The following SLC12A6 variants were observed in gnomAD, a reference collection of about 807,000 sequenced individuals.
The protein encoded by SLC12A6 is K-Cl cotransporter 3.
SLC12A6 carries 66 observed loss-of-function variants against 135.3 expected under a neutral mutation model. The ratio of observed to expected loss-of-function variants is 0.49; its 90% confidence interval spans 0.40 to 0.60. The LOEUF (loss-of-function observed/expected upper bound fraction) is 0.60, where lower values mean the gene tolerates loss of function less well. Among genes scored for constraint, SLC12A6 ranks in the 20% least tolerant of loss-of-function variants. SLC12A6 has a pLI of 0.00. For missense variants in SLC12A6, 1,058 were observed against 1,452.3 expected (o/e 0.73, Z 4.41); for synonymous variants, 513 against 508.8 (o/e 1.01, Z -0.11).
At position 34,232,066 on chromosome 15, in the gene SLC12A6, GAA is replaced by G. The variant is rs1206855919; in HGVS notation, c.*1813_*1814del. Reference sequence around the variant, plus strand: ...CAAAAACAGCCATGAATACAGGCAAGAAAAGTTTCTCTAAATAACTATTCTGT... The same window carrying G: ...CAAAAACAGCCATGAATACAGGCAAGAAGTTTCTCTAAATAACTATTCTGT... On this transcript the variant is annotated 3_prime_UTR_variant, in exon 26 of 26. Coordinates refer to ENST00000354181, the MANE Select transcript of SLC12A6 (RefSeq NM_001365088.1). 4.6e-5 allele frequency: 7 copies of G among 152,148 alleles called. No individual in the cohort carries two copies. Among genetic ancestry groups the G allele is most frequent in the East Asian group, 1.9e-4 (1 of 5,200 alleles). 9.4% of individuals were successfully genotyped at this position (152,148 alleles called of 1,614,324 possible).
chr15:34,314,040 G>A (rs1888453426), intron 2 of SLC12A6, among the ~76,000 whole-genome samples: 1 of 144,316 alleles, frequency 6.9e-6, no homozygotes, highest in South Asian at 2.2e-4. Flanking sequence ...TTTACAGCAT[G>A]GTTTATTGAT....
At chr15:34,274,770 A>G (rs1043546217) in intron 3 of SLC12A6, among the ~76,000 whole-genome samples, 3 of 151,974 alleles carry the variant, frequency 2.0e-5, no homozygotes, top group African/African-American at 4.8e-5. Flanking sequence ...TGGAGATCGC[A>G]CCACTGCACT....
intron 2 of SLC12A6, among the ~76,000 whole-genome samples, chr15:34,277,319 CCAG>C (rs1254359144): frequency 1.3e-5 from 2 of 151,966 alleles, no homozygotes; most frequent in Non-Finnish European, 2.9e-5. Context: ...ACCTGTAGTC[CCAG>C]CTACTCAGGA....
chr15:34,285,708 GTGTGTT>G (rs1291943352), intron 2 of SLC12A6, among the ~76,000 whole-genome samples: 28 of 488 alleles, frequency 0.057, no homozygotes, highest in Admixed American at 0.15. Context: ...GTGTGTGTGT[GTGTGTT>G]TGTCATACAT....
At chr15:34,290,557 C>A (rs1013181741) in intron 2 of SLC12A6, among the ~76,000 whole-genome samples, 2 of 152,166 alleles carry the variant, frequency 1.3e-5, no homozygotes, top group East Asian at 3.8e-4. Context: ...TCTCGTCGAT[C>A]TAATATTGAC....
intron 2 of SLC12A6, among the ~76,000 whole-genome samples, chr15:34,302,627 G>A (rs767192371): frequency 5.4e-4 from 82 of 151,846 alleles, no homozygotes; most frequent in African/African-American, 1.9e-3. Flanking sequence ...CCCAGGAGGC[G>A]GAGGTTGCAG....
At chr15:34,334,771 G>C (rs146497858) in intron 2 of SLC12A6, among the ~76,000 whole-genome samples, 33 of 152,194 alleles carry the variant, frequency 2.2e-4, no homozygotes, top group African/African-American at 7.7e-4. Context: ...ATTTCACTTA[G>C]ATATGTCCCC....
At position 34,288,118 on chromosome 15, in the gene SLC12A6, GT is replaced by G. The variant is rs373621716; in HGVS notation, c.272-12730del. Among the ~76,000 whole-genome samples the G allele has an allele frequency of 6.6e-5, 10 of 152,252 alleles. No homozygotes were observed. In the South Asian group the frequency reaches 1.7e-3, roughly 25 times the overall value. The stretch of plus-strand genomic sequence containing the variant: ...GGATTTTTATGGTCCTAGGTCTTAT[GT>G]TTAAGTCTTTGATCCATCTTGAGTT... On this transcript the variant is annotated intron_variant, in intron 2 of 25. Transcript: ENST00000354181.
chr15:34,315,414 T>TAC (rs1888570828), intron 2 of SLC12A6, among the ~76,000 whole-genome samples: 1 of 152,136 alleles, frequency 6.6e-6, no homozygotes, highest in African/African-American at 2.4e-5. Context: ...ATCATTAGCA[T>TAC]TTTTTGGTAA....
At chr15:34,278,054 A>T (rs140355638) in intron 2 of SLC12A6, among the ~76,000 whole-genome samples, 153 of 152,348 alleles carry the variant, frequency 1.0e-3, no homozygotes, top group African/African-American at 3.5e-3. Flanking sequence ...TATGAAGAGA[A>T]ATAGGAAAAC....
Position 34,258,845 on chromosome 15 carries a change from T to C in SLC12A6, c.511A>G (p.Asn171Asp). ...GGCTTCTTTTTCCCTTCAGTGATGT[T>C]TTCTGCCTCTTCATGTTCCTTTGCT... is the stretch of plus-strand genomic sequence containing the variant. Reference protein sequence around the residue: ...QGAKEHEEAENITEGKKKPTK... With the variant: ...QGAKEHEEAEDITEGKKKPTK... The change falls in exon 5 of 26, where the codon AAC becomes GAC. Residue 171 changes from asparagine to aspartate, a missense_variant. This residue lies in a region of SLC12A6 where 139 missense variants were observed against 202.2 expected (regional missense o/e 0.69). Coordinates refer to ENST00000354181, the MANE Select transcript of SLC12A6 (RefSeq NM_001365088.1). 1 of 1,613,818 alleles carries C rather than the reference T, an allele frequency of 6.2e-7. No individual in the cohort carries two copies. The highest frequency in any genetic ancestry group is 8.5e-7 in the Non-Finnish European group (1 of 1,179,700).
In SLC12A6 at chr15:34,257,808, T is replaced by TA. The variant is rs56033911; in HGVS notation, c.544-21dup. Reference sequence around the variant, plus strand: ...GGGGGTCTAGAAAGAAAGACATTGATAAAAAATCACACAGTTATCCTAAAG... The same window carrying TA: ...GGGGGTCTAGAAAGAAAGACATTGATAAAAAAATCACACAGTTATCCTAAAG... On this transcript the variant is annotated intron_variant, in intron 5 of 25. Transcript: ENST00000354181. The TA allele has an allele frequency of 0.06, 93,964 of 1,562,042 alleles. 3,402 individuals carry two copies. Among genetic ancestry groups the TA allele is most frequent in the Middle Eastern group, 0.14 (816 of 5,980 alleles).
At chr15:34,299,266 C>G (rs185112357) in intron 2 of SLC12A6, among the ~76,000 whole-genome samples, 2 of 152,134 alleles carry the variant, frequency 1.3e-5, no homozygotes, top group African/African-American at 4.8e-5. Context: ...AGGGTGAACT[C>G]GAAAAACTTC....
intron 3 of SLC12A6, among the ~76,000 whole-genome samples, chr15:34,261,975 T>C (rs1893164619): frequency 6.6e-6 from 1 of 152,170 alleles, no homozygotes; most frequent in Non-Finnish European, 1.5e-5. Context: ...GAACTACCAT[T>C]CCACCCGGCA....
At chr15:34,313,086 T>C (rs1186293336) in intron 2 of SLC12A6, among the ~76,000 whole-genome samples, 4 of 152,206 alleles carry the variant, frequency 2.6e-5, no homozygotes, top group African/African-American at 4.8e-5. Context: ...TAAACCCACA[T>C]TGGCCTCTAA....
chr15:34,309,778 T>C (rs997473870), intron 2 of SLC12A6, among the ~76,000 whole-genome samples: 2 of 152,110 alleles, frequency 1.3e-5, no homozygotes, highest in Admixed American at 6.6e-5. Flanking sequence ...AAAACATGCC[T>C]CACAGAGCCA....
At chr15:34,293,327 CAG>C (rs1895667772) in intron 2 of SLC12A6, among the ~76,000 whole-genome samples, 1 of 152,276 alleles carries the variant, frequency 6.6e-6, no homozygotes, top group East Asian at 1.9e-4. Flanking sequence ...ATTTTTGAGA[CAG>C]AGTCTCACTC....
At position 34,326,203 on chromosome 15, in the gene SLC12A6, C is replaced by G. The variant is rs1443744312; in HGVS notation, c.271+10207G>C. Among the ~76,000 whole-genome samples the G allele has an allele frequency of 2.0e-5, 3 of 152,194 alleles. No individual in the cohort carries two copies. The East Asian group carries it at 5.8e-4, about 29-fold the overall frequency. On this transcript the variant is annotated intron_variant, in intron 2 of 25. Transcript: ENST00000354181. Reference sequence around the variant, plus strand: ...TCCTTAGTCTAATGTCAATATAGCCCAGGTATGACAGATAGGACCTGAGAA... The same window carrying G: ...TCCTTAGTCTAATGTCAATATAGCCGAGGTATGACAGATAGGACCTGAGAA...
rs1300250204 is a variant in SLC12A6 at position 34,334,084 on chromosome 15, AC to A, written c.271+2325del. ...AAACTCCATCTCAAAAAAAAAAAAAACAAAAAAAACTTCATGTGTCACCTCC... is the reference window on the plus strand; with the variant it reads ...AAACTCCATCTCAAAAAAAAAAAAAAAAAAAAAACTTCATGTGTCACCTCC... On this transcript the variant is annotated intron_variant, in intron 2 of 25. Coordinates refer to ENST00000354181, the MANE Select transcript of SLC12A6 (RefSeq NM_001365088.1). Among the ~76,000 whole-genome samples the A allele has an allele frequency of 8.4e-3, 1,264 of 150,906 alleles. 9 individuals carry two copies. The highest frequency in any genetic ancestry group is 0.031 in the Middle Eastern group (9 of 292).
Sources: gnomAD v4.1 joint callset for allele counts (sites outside exome capture counted in the v4.1 genomes callset) on GRCh38, gnomAD v4.1.1 for gene constraint, gnomAD v4.1.1 regional missense constraint, MANE v1.5 for transcripts, NCBI Gene and HGNC (gene_info 2026-07-23, HGNC 2026-07-21) for gene names.